SPAG16: variants seen among roughly 807,000 people sequenced by gnomAD.
SPAG16 encodes the protein sperm associated antigen 16, also known as sperm-associated antigen 16 protein.
In SPAG16, 86 loss-of-function variants were observed where a neutral mutation model predicts 80.4. The ratio of observed to expected loss-of-function variants is 1.07; its 90% CI spans 0.90 to 1.28. SPAG16 has a LOEUF of 1.28. Ranked by LOEUF, SPAG16 falls within the 50% of genes most tolerant of loss-of-function variation. SPAG16 has a pLI of 0.00. For synonymous variants in SPAG16, 294 were observed against 265.9 expected, an observed-to-expected ratio of 1.11 and a Z score of -1.03; for missense variants, 870 against 765.3, an observed-to-expected ratio of 1.14 and a Z score of -1.61.
intron 10 of SPAG16, among the ~76,000 whole-genome samples, chr2:213,813,926 A>C (rs539207754): frequency 4.8e-4 from 73 of 152,288 alleles, no homozygotes; most frequent in African/African-American, 1.5e-3. Context: ...TGAGGTTCAG[A>C]TGCACAGGCC....
chr2:213,455,178 C>G (rs755611105), intron 9 of SPAG16, among the ~76,000 whole-genome samples: 4 of 152,198 alleles, frequency 2.6e-5, no homozygotes, highest in Non-Finnish European at 4.4e-5. Flanking sequence ...TTGAAGTTCT[C>G]TCATCATTAA....
intron 10 of SPAG16, among the ~76,000 whole-genome samples, chr2:213,611,689 A>G (rs2061444131): frequency 6.6e-6 from 1 of 152,168 alleles, no homozygotes; most frequent in East Asian, 1.9e-4. Flanking sequence ...TAGGAAACAT[A>G]TTTTTATCCA....
intron 11 of SPAG16, among the ~76,000 whole-genome samples, chr2:213,896,934 G>A (rs1011823556): frequency 6.6e-6 from 1 of 152,006 alleles, no homozygotes; most frequent in Non-Finnish European, 1.5e-5. Flanking sequence ...GGTAAAGGGA[G>A]GATGAAGAGA....
At chr2:213,580,187 A>G (rs909481163) in intron 10 of SPAG16, among the ~76,000 whole-genome samples, 3 of 152,016 alleles carry the variant, frequency 2.0e-5, no homozygotes, top group African/African-American at 7.2e-5. Context: ...CAGGAGACAA[A>G]GAAGAATCTA....
intron 13 of SPAG16, among the ~76,000 whole-genome samples, chr2:214,044,291 G>T (rs1045566887): frequency 2.0e-5 from 3 of 152,084 alleles, no homozygotes; most frequent in African/African-American, 7.2e-5. Context: ...AAATAATTTT[G>T]AGAAATGCTA....
At chr2:213,294,758 C>G (rs1286669285) in intron 1 of SPAG16, among the ~76,000 whole-genome samples, 1 of 152,090 alleles carries the variant, frequency 6.6e-6, no homozygotes, top group Middle Eastern at 3.2e-3. Flanking sequence ...AGGTTTAGAT[C>G]TCTGTGGAAA....
intron 10 of SPAG16, among the ~76,000 whole-genome samples, chr2:213,800,343 T>C (rs1365438575): frequency 1.7e-5 from 2 of 114,988 alleles, no homozygotes; most frequent in African/African-American, 3.3e-5. Context: ...TCTCTCCCTC[T>C]CTCCCTCTCT....
intron 10 of SPAG16, among the ~76,000 whole-genome samples, chr2:213,593,224 G>A (rs771943490): frequency 6.6e-6 from 1 of 152,044 alleles, no homozygotes; most frequent in Non-Finnish European, 1.5e-5. Context: ...ATATTTTCCT[G>A]TGTGGCTTCT....
At chr2:214,302,944 C>A (rs1476134005) in intron 15 of SPAG16, among the ~76,000 whole-genome samples, 1 of 152,098 alleles carries the variant, frequency 6.6e-6, no homozygotes, top group Non-Finnish European at 1.5e-5. Flanking sequence ...AAAAGCTACT[C>A]CTGTTCACTT....
At chr2:213,406,805 C>A (rs1188241422) in intron 9 of SPAG16, among the ~76,000 whole-genome samples, 1 of 152,072 alleles carries the variant, frequency 6.6e-6, no homozygotes, top group Non-Finnish European at 1.5e-5. Context: ...CCCGGGATTA[C>A]ATTCTCCTCC....
At chr2:213,296,305 A>T (rs937656667) in intron 2 of SPAG16, among the ~76,000 whole-genome samples, 195 bp downstream of exon 2, 3 of 152,200 alleles carry the variant, frequency 2.0e-5, no homozygotes, top group African/African-American at 7.2e-5. Flanking sequence ...AAATTGGAAA[A>T]TACATCTGAT....
chr2:213,816,459 C>T (rs2072543134), intron 10 of SPAG16, among the ~76,000 whole-genome samples: 1 of 152,026 alleles, frequency 6.6e-6, no homozygotes, highest in African/African-American at 2.4e-5. Flanking sequence ...GATCGTAGGA[C>T]ATGCACATAT....
At chr2:214,119,124 T>A (rs1204457759) in intron 14 of SPAG16, among the ~76,000 whole-genome samples, 1 of 152,112 alleles carries the variant, frequency 6.6e-6, no homozygotes, top group African/African-American at 2.4e-5. Flanking sequence ...ACAAAATACA[T>A]CTTTAAAAAA....
chr2:213,843,381 C>A (rs1157572194), intron 10 of SPAG16, among the ~76,000 whole-genome samples: 1 of 152,142 alleles, frequency 6.6e-6, no homozygotes, highest in African/African-American at 2.4e-5. Flanking sequence ...TTATTCACAA[C>A]TTTCTACAAT....
At chr2:214,062,085 C>G (rs1020969903) in intron 13 of SPAG16, among the ~76,000 whole-genome samples, 5 of 151,380 alleles carry the variant, frequency 3.3e-5, no homozygotes, top group Non-Finnish European at 5.9e-5. Flanking sequence ...ATCAGCATTT[C>G]TATTGTGATC....
At chr2:213,881,570 A>G (rs770697332) in intron 11 of SPAG16, among the ~76,000 whole-genome samples, 5 of 152,204 alleles carry the variant, frequency 3.3e-5, no homozygotes, top group African/African-American at 7.2e-5. Context: ...GAAACTTACA[A>G]TCGTGGCAGA....
At chr2:214,255,357 C>T (rs966017923) in intron 15 of SPAG16, among the ~76,000 whole-genome samples, 1 of 151,846 alleles carries the variant, frequency 6.6e-6, no homozygotes, top group Non-Finnish European at 1.5e-5. Flanking sequence ...ATTTTTCTAA[C>T]GTAAAGAAAT....
At chr2:214,243,339 A>G (rs1238005452) in intron 15 of SPAG16, among the ~76,000 whole-genome samples, 1 of 152,138 alleles carries the variant, frequency 6.6e-6, no homozygotes, top group Non-Finnish European at 1.5e-5. Flanking sequence ...TATAATATAC[A>G]AGCTTGCCTA....
In SPAG16 at chr2:213,681,355, TC is replaced by T. The variant is rs2064369078; in HGVS notation, c.1071-181127del. On this transcript the variant is annotated intron_variant, in intron 10 of 15. Transcript: ENST00000331683. ...CGAATTTATGGTTGTCAGGCATGAC[TC>T]CCTAGACCACTTAGGTAGGAATTTG... Among the ~76,000 whole-genome samples, 4 of 152,230 alleles carry T rather than the reference TC, an allele frequency of 2.6e-5. No homozygotes were observed. In the South Asian group the frequency reaches 8.3e-4, roughly 31 times the overall value.
Sources: gnomAD v4.1 joint callset for allele counts (sites outside exome capture counted in the v4.1 genomes callset) on GRCh38, gnomAD v4.1.1 for gene constraint, MANE v1.5 for transcripts, NCBI Gene and HGNC (gene_info 2026-07-23, HGNC 2026-07-21) for gene names.